The following GPATCH3 variants were observed in gnomAD, a reference collection of about 807,000 sequenced individuals.
GPATCH3 encodes the protein G-patch domain containing 3.
In GPATCH3, 45 loss-of-function variants were observed where a neutral mutation model predicts 53.2. That is an observed-to-expected ratio of 0.85 (90% CI 0.67 to 1.08). The LOEUF is 1.08. Among genes scored for constraint, GPATCH3 ranks in the 50% least tolerant of loss-of-function variants. The probability of loss-of-function intolerance (pLI) is 0.00; values close to 1 mark genes in which losing one functional copy is unlikely to be tolerated. For synonymous variants in GPATCH3, 280 were observed against 270.6 expected (o/e 1.03, Z -0.34); for missense variants, 680 against 687.2 (o/e 0.99, Z 0.12).
In GPATCH3 at chr1:26,900,029, A is replaced by C. The variant is rs1359134168; in HGVS notation, c.414T>G (p.Cys138Trp). 1 of 1,613,944 alleles carries C rather than the reference A, an allele frequency of 6.2e-7. No individual in the cohort carries two copies. Among genetic ancestry groups the C allele is most frequent in the African/African-American group, 1.3e-5 (1 of 74,898 alleles). The part of the protein sequence containing the change: ...DSHGTWLPGR[C>W]LIRRLRLPTE... ...TAGGTAGCCGAAGTCTGCGGATGAG[A>C]CAGCGACCCGGTAGCCAAGTCCCGT... The change falls in exon 1 of 7, where the codon TGT becomes TGG. Residue 138 changes from cysteine to tryptophan, a missense_variant. Cys to Trp is a radical substitution (Grantham distance 215, BLOSUM62 -2). Transcript: ENST00000361720.
Position 26,890,551 on chromosome 1 carries a change from T to C in GPATCH3, c.*459A>G, listed in dbSNP as rs550957220. On this transcript the variant is annotated 3_prime_UTR_variant, in exon 7 of 7. Transcript: ENST00000361720. The stretch of plus-strand genomic sequence containing the variant: ...CACCCAAGCCACCTCCCGCGGACTC[T>C]CCGCTGGCAGTCCCACCCAGTGAGG... 3 of 315,076 alleles carry C rather than the reference T, an allele frequency of 9.5e-6. No individual in the cohort carries two copies. The highest frequency in any genetic ancestry group is 4.7e-5 in the Admixed American group (1 of 21,392). 19.5% of individuals were successfully genotyped at this position (315,076 alleles called of 1,614,324 possible). A position where few individuals can be genotyped will look rare whatever the true frequency, so the allele number is the denominator to read the frequency against.
In GPATCH3 at chr1:26,890,561, G is replaced by A. The variant is rs1186741068; in HGVS notation, c.*449C>T. The A allele has an allele frequency of 9.2e-6, 3 of 327,160 alleles. No individual in the cohort carries two copies. Among genetic ancestry groups the A allele is most frequent in the South Asian group, 3.0e-5 (1 of 33,712 alleles). The allele number at this position is 327,160 out of a possible 1,614,324, so 20.3% of individuals were successfully genotyped here. On this transcript the variant is annotated 3_prime_UTR_variant, in exon 7 of 7. Transcript: ENST00000361720. The stretch of plus-strand genomic sequence containing the variant: ...ACCTCCCGCGGACTCTCCGCTGGCA[G>A]TCCCACCCAGTGAGGGTAGAGGCGG...
At chr1:26,899,558 C>A (rs1023129609) in intron 1 of GPATCH3, among the ~76,000 whole-genome samples, 1 of 152,224 alleles carries the variant, frequency 6.6e-6, no homozygotes, top group Non-Finnish European at 1.5e-5. Context: ...GGGCTCTGCA[C>A]TGTCCTGTTT....
Position 26,894,425 on chromosome 1 carries a change from G to A in GPATCH3, c.877-15C>T, listed in dbSNP as rs762761245. The A allele has an allele frequency of 1.6e-5, 26 of 1,612,758 alleles. No homozygotes were observed. Among genetic ancestry groups the A allele is most frequent in the Non-Finnish European group, 9.3e-6 (11 of 1,179,038 alleles). On this transcript the variant is annotated splice_polypyrimidine_tract_variant and intron_variant, in intron 2 of 6. Coordinates refer to ENST00000361720, the MANE Select transcript of GPATCH3 (RefSeq NM_022078.3). ...CGGTCATCGTCCTAAAAGGCAGGGA[G>A]AGGTGATTTGCCTGAGCTTCCTGAC...
chr1:26,892,430 T>G lies in GPATCH3; in HGVS notation c.1342A>C (p.Arg448=). ...ACTTACCCCAATCCACGCTTGCATC[T>G]GGGGTGTTGGCCATCACTATCCAGG... is the stretch of plus-strand genomic sequence containing the variant. The part of the protein sequence containing the change: ...EALDSDGQHP[R]CKRGLGYHGE... The change falls in exon 6 of 7, where the codon AGA becomes CGA. Residue 448 remains arginine, a synonymous_variant. Transcript: ENST00000361720. The G allele has an allele frequency of 6.2e-7, 1 of 1,613,582 alleles. No individual in the cohort carries two copies. The highest frequency in any genetic ancestry group is 8.5e-7 in the Non-Finnish European group (1 of 1,179,746).
At chr1:26,896,780 T>C (rs1433655504) in intron 2 of GPATCH3, among the ~76,000 whole-genome samples, 1 of 151,778 alleles carries the variant, frequency 6.6e-6, no homozygotes, top group Non-Finnish European at 1.5e-5. Flanking sequence ...CCCAGCACTT[T>C]GGGAGACTGA....
At chr1:26,893,257 A>T in intron 4 of GPATCH3, 132 bp downstream of exon 4, 1 of 769,140 alleles carries the variant, frequency 1.3e-6, no homozygotes, top group Non-Finnish European at 2.4e-6. Context: ...TTTTAAGAGG[A>T]ACCCTCTCAG....
intron 6 of GPATCH3, 140 bp downstream of exon 6, chr1:26,892,271 G>A: frequency 9.4e-7 from 1 of 1,058,282 alleles, no homozygotes; most frequent in Non-Finnish European, 1.4e-6. Context: ...GCCTGGCCCA[G>A]ATCCACTTTT....
intron 4 of GPATCH3, chr1:26,893,021 T>C: frequency 5.2e-6 from 3 of 582,114 alleles, no homozygotes; most frequent in Non-Finnish European, 6.0e-6. Flanking sequence ...AGAGAGAGGA[T>C]TAGAACCCAG....
chr1:26,900,188 A>T lies in GPATCH3; in HGVS notation c.255T>A (p.Asp85Glu), dbSNP rs372797033. 9 of 1,614,192 alleles carry T rather than the reference A, an allele frequency of 5.6e-6. No individual in the cohort carries two copies. Among genetic ancestry groups the T allele is most frequent in the East Asian group, 4.5e-5 (2 of 44,878 alleles). ...AGTCTCGAGTGGAGAGAGGCCGGAC[A>T]TCGGTGGCCGAAGTCTGAGAGAGAA... Reference protein sequence around the residue: ...GQLLSQTSATDVRPLSTRDST... With the variant: ...GQLLSQTSATEVRPLSTRDST... Residue 85 changes from aspartate (D) to glutamate (E), a missense_variant, in exon 1 of 7, where the codon GAT becomes GAA. Transcript: ENST00000361720.
rs756555990 is a variant in GPATCH3 at position 26,900,320 on chromosome 1, G to A, written c.123C>T (p.Gly41=). ...SYFSQFREER[G]GGFLCFHYRH... Reference sequence around the variant, plus strand: ...GGTAGTGGAAACAGAGGAAGCCACCGCCGCGCTCTTCTCGGAACTGGCTAA... The same window carrying A: ...GGTAGTGGAAACAGAGGAAGCCACCACCGCGCTCTTCTCGGAACTGGCTAA... Residue 41 remains glycine (G), a synonymous_variant, in exon 1 of 7, where the codon GGC becomes GGT. Coordinates refer to ENST00000361720, the MANE Select transcript of GPATCH3 (RefSeq NM_022078.3). 2 of 1,614,066 alleles carry A rather than the reference G, an allele frequency of 1.2e-6. No homozygotes were observed. Among genetic ancestry groups the A allele is most frequent in the East Asian group, 4.5e-5 (2 of 44,874 alleles).
intron 2 of GPATCH3, 74 bp downstream of exon 2, chr1:26,897,227 T>C: frequency 7.0e-7 from 1 of 1,421,634 alleles, no homozygotes; most frequent in African/African-American, 1.4e-5. Flanking sequence ...TAATAGACAA[T>C]TGAAGAGTGG....
chr1:26,894,521 G>T, intron 2 of GPATCH3, 111 bp from the exon 3 acceptor site: 2 of 1,020,876 alleles, frequency 2.0e-6, no homozygotes, highest in South Asian at 1.5e-5. Context: ...CATTCCTTCA[G>T]ATTTCTCCAA....
chr1:26,894,265 T>G lies in GPATCH3; in HGVS notation c.1022A>C (p.Asp341Ala). Residue 341 changes from aspartate to alanine, a missense_variant, in exon 3 of 7, where the codon GAT becomes GCT. Transcript: ENST00000361720. ...TTCTTCCTCCTGCCAGAACTGGGCATCAGTATAAAACACCAGGCCAGAGCC... is the reference window on the plus strand; with the variant it reads ...TTCTTCCTCCTGCCAGAACTGGGCAGCAGTATAAAACACCAGGCCAGAGCC... ...KGGSGLVFYT[D>A]AQFWQEEEGD... 6.2e-7 allele frequency: 1 copy of G among 1,614,040 alleles called. No individual in the cohort carries two copies. The highest frequency in any genetic ancestry group is 8.5e-7 in the Non-Finnish European group (1 of 1,180,002).
At chr1:26,895,931 G>T (rs946706721) in intron 2 of GPATCH3, among the ~76,000 whole-genome samples, 2 of 152,198 alleles carry the variant, frequency 1.3e-5, no homozygotes, top group Admixed American at 1.3e-4. Context: ...CACCCAGCTG[G>T]CTGGAAGCTT....
intron 3 of GPATCH3, 107 bp from the exon 4 acceptor site, chr1:26,893,555 CAG>C (rs2081938178): frequency 3.0e-6 from 2 of 668,030 alleles, no homozygotes; most frequent in African/African-American, 2.5e-5. Context: ...TTTTTTGAGA[CAG>C]AATCTCATTC....
In GPATCH3 at chr1:26,897,750, T is replaced by C. The variant is rs750536941; in HGVS notation, c.452-25A>G. 2.6e-6 allele frequency: 4 copies of C among 1,560,324 alleles called. No homozygotes were observed. The East Asian group carries it at 9.0e-5, about 35-fold the overall frequency. ...CCTTGGAAAGGAGGGAGAATAGATCTTGAAACCCAGAAGCCTCCAGCAACA... is the reference window on the plus strand; with the variant it reads ...CCTTGGAAAGGAGGGAGAATAGATCCTGAAACCCAGAAGCCTCCAGCAACA... On this transcript the variant is annotated intron_variant, in intron 1 of 6. Transcript: ENST00000361720.
chr1:26,897,237 G>C, intron 2 of GPATCH3, 64 bp downstream of exon 2: 1 of 1,469,530 alleles, frequency 6.8e-7, no homozygotes, highest in Non-Finnish European at 9.4e-7. Flanking sequence ...TTGAAGAGTG[G>C]TATTATTAAT....
intron 5 of GPATCH3, 53 bp from the exon 6 acceptor site, chr1:26,892,591 G>A (rs777911859): frequency 1.6e-5 from 25 of 1,606,806 alleles, no homozygotes; most frequent in Non-Finnish European, 2.0e-5. Flanking sequence ...TGGGAGCAGG[G>A]AGAATGGGGA....
Sources: gnomAD v4.1 joint callset for allele counts (sites outside exome capture counted in the v4.1 genomes callset) on GRCh38, gnomAD v4.1.1 for gene constraint, MANE v1.5 for transcripts, NCBI Gene and HGNC (gene_info 2026-07-23, HGNC 2026-07-21) for gene names.